Variants in NRG1 observed in about 807,000 individuals in gnomAD.
The protein encoded by NRG1 is neuregulin 1, also known as pro-neuregulin-1, membrane-bound isoform.
NRG1 carries 18 observed loss-of-function variants against 63.8 expected under a neutral mutation model. The ratio of observed to expected loss-of-function variants is 0.28; its 90% CI spans 0.19 to 0.42. The LOEUF (loss-of-function observed/expected upper bound fraction) is 0.42, where lower values mean the gene tolerates loss of function less well. Ranked by LOEUF, NRG1 falls within the 10% of genes least tolerant of loss-of-function variation. The probability of loss-of-function intolerance (pLI) is 1.00; values close to 1 mark genes in which losing one functional copy is unlikely to be tolerated. For missense variants in NRG1, 762 were observed against 814.7 expected, an observed-to-expected ratio of 0.94 and a Z score of 0.79; for synonymous variants, 302 against 301.3, an observed-to-expected ratio of 1.00 and a Z score of -0.02.
At chr8:32,135,977 A>C (rs1310342027) in intron 1 of NRG1, among the ~76,000 whole-genome samples, 1 of 117,818 alleles carries the variant, frequency 8.5e-6, no homozygotes, top group Non-Finnish European at 2.1e-5. Flanking sequence ...GTTTTGAAAA[A>C]GAGAAGGTTG....
intron 1 of NRG1, among the ~76,000 whole-genome samples, chr8:32,066,999 G>A (rs928483867): frequency 6.6e-6 from 1 of 151,970 alleles, no homozygotes; most frequent in African/African-American, 2.4e-5. Context: ...TGTCTGTTAT[G>A]GGTGGATAAG....
intron 1 of NRG1, among the ~76,000 whole-genome samples, chr8:32,459,235 G>A (rs936589966): frequency 2.6e-5 from 4 of 151,974 alleles, no homozygotes; most frequent in Admixed American, 6.6e-5. Flanking sequence ...TAATTGAGCC[G>A]GCTATCTGGT....
chr8:32,261,147 G>T (rs1322576095), intron 1 of NRG1, among the ~76,000 whole-genome samples: 2 of 152,084 alleles, frequency 1.3e-5, no homozygotes, highest in Admixed American at 1.3e-4. Context: ...TGCTAATGTG[G>T]AAAACTTACA....
chr8:31,804,937 T>C (rs1822128816), intron 1 of NRG1, among the ~76,000 whole-genome samples: 1 of 152,252 alleles, frequency 6.6e-6, no homozygotes, highest in Admixed American at 6.5e-5. Flanking sequence ...AAGGAAATGC[T>C]TCTCCATTGT....
chr8:32,762,143 G>T (rs931156534), intron 11 of NRG1, among the ~76,000 whole-genome samples: 5 of 150,676 alleles, frequency 3.3e-5, no homozygotes, highest in Admixed American at 2.7e-4. Flanking sequence ...TGGAATTTAT[G>T]AAATCAGAGG....
chr8:32,461,015 G>C (rs545054747), intron 1 of NRG1, among the ~76,000 whole-genome samples: 4 of 152,230 alleles, frequency 2.6e-5, no homozygotes, highest in Non-Finnish European at 5.9e-5. Context: ...TGGGATGCAA[G>C]TTACTGAGAT....
chr8:32,146,244 G>T (rs1836858207), intron 1 of NRG1, among the ~76,000 whole-genome samples: 1 of 152,160 alleles, frequency 6.6e-6, no homozygotes, highest in East Asian at 1.9e-4. Context: ...TAAAAAAACT[G>T]ATGTCTTCCT....
At chr8:31,652,458 T>C (rs1804946812) in intron 1 of NRG1, among the ~76,000 whole-genome samples, 1 of 152,242 alleles carries the variant, frequency 6.6e-6, no homozygotes. Flanking sequence ...TCAGACCCCT[T>C]TGAATGGCAT....
intron 1 of NRG1, among the ~76,000 whole-genome samples, chr8:32,088,521 CTT>C (rs35307615): frequency 3.5e-5 from 5 of 142,974 alleles, no homozygotes; most frequent in Non-Finnish European, 7.6e-5. Flanking sequence ...CAAGTCATCA[CTT>C]TTTTTTTTTT....
At chr8:32,220,620 G>T (rs1563922127) in intron 1 of NRG1, among the ~76,000 whole-genome samples, 1 of 152,168 alleles carries the variant, frequency 6.6e-6, no homozygotes, top group African/African-American at 2.4e-5. Context: ...GAACTAGTCG[G>T]ACCTAAGGGA....
chr8:32,379,669 GACCTTATCAC>G (rs1810092126), intron 1 of NRG1, among the ~76,000 whole-genome samples: 1 of 152,150 alleles, frequency 6.6e-6, no homozygotes, highest in African/African-American at 2.4e-5. Context: ...GATTGACATA[GACCTTATCAC>G]TGAAGATATT....
At chr8:32,602,983 G>A (rs1844636046) in intron 2 of NRG1, among the ~76,000 whole-genome samples, 1 of 152,090 alleles carries the variant, frequency 6.6e-6, no homozygotes, top group African/African-American at 2.4e-5. Context: ...AATTTTAAAA[G>A]TTGTCATATT....
Position 32,534,349 on chromosome 8 carries a change from G to A in NRG1, c.38-61479G>A, listed in dbSNP as rs374064390. 2.0e-5 allele frequency among the ~76,000 whole-genome samples: 3 copies of A among 152,066 alleles called. No individual in the cohort carries two copies. The South Asian group carries it at 6.2e-4, about 32-fold the overall frequency. Reference sequence around the variant, plus strand: ...TCTGAATCTTTACTGTATTCCTCAAGCTATAAACTATGTTTATAGACTCCT... The same window carrying A: ...TCTGAATCTTTACTGTATTCCTCAAACTATAAACTATGTTTATAGACTCCT... On this transcript the variant is annotated intron_variant, in intron 1 of 10. Transcript: ENST00000519301.
At chr8:32,703,713 C>A (rs1815589291) in intron 5 of NRG1, among the ~76,000 whole-genome samples, 1 of 152,054 alleles carries the variant, frequency 6.6e-6, no homozygotes, top group Non-Finnish European at 1.5e-5. Flanking sequence ...TTTAACAAAG[C>A]ATTAGATATA....
intron 1 of NRG1, among the ~76,000 whole-genome samples, chr8:31,966,968 G>A (rs1333947221): frequency 6.6e-6 from 1 of 151,970 alleles, no homozygotes; most frequent in Non-Finnish European, 1.5e-5. Context: ...CTTGGCTTTT[G>A]ACTGCTTTTT....
At chr8:32,243,102 C>G (rs1848271951) in intron 1 of NRG1, among the ~76,000 whole-genome samples, 1 of 152,044 alleles carries the variant, frequency 6.6e-6, no homozygotes, top group Non-Finnish European at 1.5e-5. Context: ...ATGTCTGTCT[C>G]TGTGTCCAAA....
At chr8:32,282,142 G>A (rs1011361064) in intron 1 of NRG1, among the ~76,000 whole-genome samples, 1 of 152,130 alleles carries the variant, frequency 6.6e-6, no homozygotes, top group Non-Finnish European at 1.5e-5. Context: ...GTTTGAGAGT[G>A]GAGTTTGCAC....
At chr8:32,038,963 A>T (rs1819507877) in intron 1 of NRG1, among the ~76,000 whole-genome samples, 1 of 152,126 alleles carries the variant, frequency 6.6e-6, no homozygotes. Flanking sequence ...AGGAAAAAAA[A>T]ATCACATCTA....
intron 1 of NRG1, among the ~76,000 whole-genome samples, chr8:31,924,503 T>C (rs577098906): frequency 1.3e-5 from 2 of 152,322 alleles, no homozygotes; most frequent in South Asian, 2.1e-4. Flanking sequence ...GTAGTTTTTT[T>C]CCTCAATAAG....
Sources: allele counts gnomAD v4.1 joint callset (sites outside exome capture counted in the v4.1 genomes callset), GRCh38; gene constraint gnomAD v4.1.1; transcripts MANE v1.5; gene names NCBI Gene and HGNC (gene_info 2026-07-23, HGNC 2026-07-21).